The following SEMA3D variants were observed in gnomAD, a reference collection of about 807,000 sequenced individuals.
SEMA3D encodes the protein semaphorin 3D, also known as semaphorin-3D.
SEMA3D carries 84 observed loss-of-function variants against 100.1 expected under a neutral mutation model. The ratio of observed to expected loss-of-function variants is 0.84; its 90% CI spans 0.70 to 1.01. The LOEUF (loss-of-function observed/expected upper bound fraction) is 1.01. Among genes scored for constraint, SEMA3D ranks in the 50% least tolerant of loss-of-function variants. SEMA3D has a pLI of 0.00. For synonymous variants in SEMA3D, 312 were observed against 320.7 expected, an observed-to-expected ratio of 0.97 and a Z score of 0.29; for missense variants, 875 against 934.1, an observed-to-expected ratio of 0.94 and a Z score of 0.82.
chr7:85,027,965 T>C, intron 12 of SEMA3D: 1 of 579,900 alleles, frequency 1.7e-6, no homozygotes, highest in Non-Finnish European at 3.3e-6. Context: ...CCTTTACGGA[T>C]ACCAAACAAT....
At chr7:85,058,770 A>T (rs1341721238) in intron 8 of SEMA3D, among the ~76,000 whole-genome samples, 1 of 151,096 alleles carries the variant, frequency 6.6e-6, no homozygotes, top group Non-Finnish European at 1.5e-5. Flanking sequence ...AAAAAAAAGC[A>T]ACTCTTTGTG....
chr7:85,211,774 T>G, the SEMA3D span, among the ~76,000 whole-genome samples: 2 of 152,086 alleles, frequency 1.3e-5, no homozygotes, highest in Non-Finnish European at 2.9e-5. Context: ...AAGATGAGAA[T>G]GAAGATCGTT....
At chr7:85,215,763 A>G in the SEMA3D span, among the ~76,000 whole-genome samples, 9 of 152,164 alleles carry the variant, frequency 5.9e-5, no homozygotes, top group Non-Finnish European at 1.3e-4. Flanking sequence ...TATGAAAAAC[A>G]TATATTTTCC....
intron 2 of SEMA3D, among the ~76,000 whole-genome samples, chr7:85,144,029 A>C (rs1736632182): frequency 6.6e-6 from 1 of 151,954 alleles, no homozygotes; most frequent in Admixed American, 6.6e-5. Flanking sequence ...GTAATTTTAA[A>C]TTTTCTTACA....
intron 2 of SEMA3D, among the ~76,000 whole-genome samples, chr7:85,146,586 C>T (rs1397378173): frequency 6.6e-6 from 1 of 151,412 alleles, no homozygotes; most frequent in Non-Finnish European, 1.5e-5. Flanking sequence ...TTTTACTTAA[C>T]AATTCTGCAT....
chr7:85,092,161 T>C, intron 4 of SEMA3D, among the ~76,000 whole-genome samples: 1 of 152,104 alleles, frequency 6.6e-6, no homozygotes, highest in Non-Finnish European at 1.5e-5. Context: ...CTCATCCGTC[T>C]TGTACTAGTT....
In SEMA3D at chr7:85,121,919, G is replaced by A. The variant is rs372138370; in HGVS notation, c.-28C>T. The stretch of plus-strand genomic sequence containing the variant: ...TGAAAACAATGTTCTCTTTCAAATG[G>A]TGTTAATTTAATCTAAAAAAGAGTA... On this transcript the variant is annotated 5_prime_UTR_variant, in exon 3 of 19. Coordinates refer to ENST00000284136, the MANE Select transcript of SEMA3D (RefSeq NM_001384900.1). The A allele has an allele frequency of 2.0e-5, 30 of 1,472,362 alleles. No homozygotes were observed. The highest frequency in any genetic ancestry group is 1.8e-4 in the Middle Eastern group (1 of 5,648). 91.2% of individuals were successfully genotyped at this position (1,472,362 alleles called of 1,614,324 possible). A position where few individuals can be genotyped will look rare whatever the true frequency, so the allele number is the denominator to read the frequency against.
At chr7:85,216,496 AAT>A in the SEMA3D span, among the ~76,000 whole-genome samples, 1 of 151,862 alleles carries the variant, frequency 6.6e-6, no homozygotes, top group Non-Finnish European at 1.5e-5. Context: ...AATTTAGTAA[AAT>A]TAATATTTTT....
At chr7:85,086,700 G>T (rs957158547) in intron 4 of SEMA3D, among the ~76,000 whole-genome samples, 6 of 151,668 alleles carry the variant, frequency 4.0e-5, no homozygotes, top group Middle Eastern at 3.4e-3. Context: ...GTAAGAGAGA[G>T]AAAGACAGAG....
At chr7:85,128,679 C>A (rs954771909) in intron 2 of SEMA3D, among the ~76,000 whole-genome samples, 1 of 151,442 alleles carries the variant, frequency 6.6e-6, no homozygotes, top group Admixed American at 6.6e-5. Context: ...TAATCTATAT[C>A]TAATATTATA....
chr7:85,117,788 GTATGTATGTATGTATGTATGTATC>G (rs947167140), intron 3 of SEMA3D, among the ~76,000 whole-genome samples: 2 of 148,120 alleles, frequency 1.4e-5, no homozygotes, highest in African/African-American at 5.2e-5. Context: ...ATGTATGTAT[GTATGTATGTATGTATGTATGTATC>G]TATCTACCAT....
At chr7:85,126,986 A>T (rs1377297426) in intron 2 of SEMA3D, among the ~76,000 whole-genome samples, 2 of 152,148 alleles carry the variant, frequency 1.3e-5, no homozygotes, top group African/African-American at 4.8e-5. Context: ...ATATCCTACT[A>T]CTTTAGTAAG....
chr7:85,012,541 C>T (rs1789984875), intron 17 of SEMA3D, among the ~76,000 whole-genome samples: 1 of 151,766 alleles, frequency 6.6e-6, no homozygotes, highest in South Asian at 2.1e-4. Flanking sequence ...GAAACAAAAG[C>T]TACAGTTTAG....
chr7:85,187,664 T>G (rs1791598837), upstream of SEMA3D, among the ~76,000 whole-genome samples: 1 of 152,168 alleles, frequency 6.6e-6, no homozygotes, highest in Non-Finnish European at 1.5e-5. Flanking sequence ...CACCCCTTAT[T>G]CACACAGTAG....
chr7:85,021,507 G>T lies in SEMA3D; in HGVS notation c.1414+884C>A, dbSNP rs571839105. On this transcript the variant is annotated intron_variant, in intron 13 of 18. Coordinates refer to ENST00000284136, the MANE Select transcript of SEMA3D (RefSeq NM_001384900.1). Reference sequence around the variant, plus strand: ...TCAGGTTTGACAATCAATGACAAAGGTCCTCTGATTCCGTCACACACATAC... The same window carrying T: ...TCAGGTTTGACAATCAATGACAAAGTTCCTCTGATTCCGTCACACACATAC... 9.9e-4 allele frequency among the ~76,000 whole-genome samples: 150 copies of T among 151,790 alleles called. 6 individuals carry two copies. In the South Asian group the frequency reaches 0.031, roughly 31 times the overall value.
chr7:85,138,638 T>TTATATATATTTAATTTAATA (rs1789936859), intron 2 of SEMA3D, among the ~76,000 whole-genome samples: 2 of 124,328 alleles, frequency 1.6e-5, no homozygotes, highest in South Asian at 5.2e-4. Flanking sequence ...ATAAATTAAA[T>TTATATATATTTAATTTAATA]TATATATATT....
chr7:85,002,798 GGGCAATTC>G (rs1789689322), intron 18 of SEMA3D, among the ~76,000 whole-genome samples: 1 of 152,054 alleles, frequency 6.6e-6, no homozygotes. Context: ...CTTCAGTGAA[GGGCAATTC>G]ATCTAACATG....
intron 2 of SEMA3D, among the ~76,000 whole-genome samples, chr7:85,123,989 T>G (rs1226287793): frequency 6.6e-6 from 1 of 152,054 alleles, no homozygotes; most frequent in Non-Finnish European, 1.5e-5. Flanking sequence ...TTATGAAAAT[T>G]TTAGTTTTAA....
chr7:85,125,855 A>G (rs2116416810), intron 2 of SEMA3D, among the ~76,000 whole-genome samples: 1 of 151,626 alleles, frequency 6.6e-6, no homozygotes, highest in Admixed American at 6.6e-5. Flanking sequence ...TATGGAGAGA[A>G]GTAGGTGTGA....
Sources: gnomAD v4.1 joint callset for allele counts (sites outside exome capture counted in the v4.1 genomes callset) on GRCh38, gnomAD v4.1.1 for gene constraint, MANE v1.5 for transcripts, NCBI Gene and HGNC (gene_info 2026-07-23, HGNC 2026-07-21) for gene names.